IGF2BP2: variants seen among roughly 807,000 people sequenced by gnomAD.
IGF2BP2 encodes the protein insulin-like growth factor 2 mRNA-binding protein 2.
Under a neutral mutation model 75.8 loss-of-function variants are expected in IGF2BP2, and 17 were observed. The ratio of observed to expected loss-of-function variants is 0.22; its 90% CI spans 0.15 to 0.34. IGF2BP2 has a LOEUF of 0.34. Among genes scored for constraint, IGF2BP2 ranks in the 10% least tolerant of loss-of-function variants. The pLI is 1.00. For missense variants in IGF2BP2, 516 were observed against 772.4 expected, an observed-to-expected ratio of 0.67 and a Z score of 3.93; for synonymous variants, 288 against 295.6, an observed-to-expected ratio of 0.97 and a Z score of 0.26.
intron 7 of IGF2BP2, among the ~76,000 whole-genome samples, chr3:185,676,270 G>A (rs1719332067): frequency 6.6e-6 from 1 of 152,068 alleles, no homozygotes; most frequent in South Asian, 2.1e-4. Flanking sequence ...GGAAGCCACA[G>A]GTCTCTTTCC....
At chr3:185,658,438 C>T (rs1024482801) in intron 10 of IGF2BP2, 29 bp from the exon 11 acceptor site, 9 of 1,599,028 alleles carry the variant, frequency 5.6e-6, no homozygotes, top group South Asian at 4.4e-5. Flanking sequence ...AGTCAGTGGG[C>T]GGGTGCTCTC....
rs1030290701 is a variant in IGF2BP2, at chr3:185,645,943, A to G, written c.1708-320T>C. Among the ~76,000 whole-genome samples, 1 of 152,002 alleles carries G rather than the reference A, an allele frequency of 6.6e-6. No individual in the cohort carries two copies. The highest frequency in any genetic ancestry group is 6.5e-5 in the Admixed American group (1 of 15,282). ...GGGGCCGTGCAGAGTCAGATGCTAC[A>G]CTTGGGCTCCCGTGCTGCTCCCGCC... On this transcript the variant is annotated intron_variant, in intron 15 of 15. Coordinates refer to ENST00000382199, the MANE Select transcript of IGF2BP2 (RefSeq NM_006548.6). This position sits in a 1 kb window ranked among gnomAD's most constrained non-coding sequence, Gnocchi z 4.9.
intron 2 of IGF2BP2, among the ~76,000 whole-genome samples, chr3:185,749,910 G>A (rs1172429919): frequency 6.6e-6 from 1 of 152,112 alleles, no homozygotes; most frequent in Non-Finnish European, 1.5e-5. Context: ...AAAATTAAAA[G>A]TACACCAAAA....
At chr3:185,668,103 T>G (rs1420448251) in intron 10 of IGF2BP2, among the ~76,000 whole-genome samples, 1 of 152,214 alleles carries the variant, frequency 6.6e-6, no homozygotes, top group Non-Finnish European at 1.5e-5. Context: ...ATCTTCAAGA[T>G]ATGCCTGTAA....
rs1719193097 is a variant in IGF2BP2 at position 185,675,494 on chromosome 3, T to TA, written c.936-64dup. 27 of 1,573,366 alleles carry TA rather than the reference T, an allele frequency of 1.7e-5. 2 individuals are homozygous for TA. The South Asian group carries it at 2.8e-4, about 16-fold the overall frequency. ...CGGGAAAAATAAAATGCCCAAAAAA[T>TA]AAAAAAATCACAAACAAGTTTTGGC... On this transcript the variant is annotated intron_variant, in intron 8 of 15. Coordinates refer to ENST00000382199, the MANE Select transcript of IGF2BP2 (RefSeq NM_006548.6).
intron 10 of IGF2BP2, among the ~76,000 whole-genome samples, chr3:185,666,622 C>A (rs1239891390): frequency 6.6e-6 from 1 of 151,560 alleles, no homozygotes; most frequent in Non-Finnish European, 1.5e-5. Context: ...GAGCAAGACT[C>A]CAACTCAATA....
At chr3:185,650,625 C>T (rs1714435453) in intron 13 of IGF2BP2, among the ~76,000 whole-genome samples, 3 of 151,470 alleles carry the variant, frequency 2.0e-5, no homozygotes, top group Admixed American at 1.3e-4. Context: ...TGCAGTGAGC[C>T]GAGATCGCAC....
intron 2 of IGF2BP2, among the ~76,000 whole-genome samples, chr3:185,725,821 T>A (rs577757364): frequency 2.6e-5 from 4 of 152,180 alleles, no homozygotes; most frequent in African/African-American, 4.8e-5. Context: ...AAAATTTTTT[T>A]AAAAAATTAG....
chr3:185,774,367 G>A (rs1308424883), intron 2 of IGF2BP2, among the ~76,000 whole-genome samples: 1 of 152,080 alleles, frequency 6.6e-6, no homozygotes, highest in African/African-American at 2.4e-5. Context: ...AGGCCGAGGT[G>A]GGCGGATCAC....
intron 2 of IGF2BP2, among the ~76,000 whole-genome samples, chr3:185,780,578 G>T (rs1290804710): frequency 6.6e-6 from 1 of 152,118 alleles, no homozygotes; most frequent in Non-Finnish European, 1.5e-5. Context: ...ATTTAAAAAG[G>T]TCTTCAAAAG....
At chr3:185,688,627 G>A (rs1241977364) in intron 6 of IGF2BP2, among the ~76,000 whole-genome samples, 1 of 152,186 alleles carries the variant, frequency 6.6e-6, no homozygotes, top group Non-Finnish European at 1.5e-5. Context: ...ACAGGGATGA[G>A]TCTCTGTAAT....
chr3:185,649,574 A>T, intron 13 of IGF2BP2, 40 bp from the exon 14 acceptor site: 2 of 1,611,150 alleles, frequency 1.2e-6, no homozygotes, highest in Non-Finnish European at 1.7e-6. Context: ...TCAGTCAGCC[A>T]GCAGCCGGCC....
intron 12 of IGF2BP2, 94 bp from the exon 13 acceptor site, chr3:185,652,262 G>A: frequency 6.6e-6 from 7 of 1,053,216 alleles, no homozygotes; most frequent in Non-Finnish European, 9.7e-6. Context: ...CCAGCAGGAG[G>A]TTCCAGGTCT....
chr3:185,767,879 T>C (rs1330538867), intron 2 of IGF2BP2: 1 of 153,950 alleles, frequency 6.5e-6, no homozygotes, highest in Non-Finnish European at 1.5e-5. Flanking sequence ...CCACTGAAAG[T>C]AATGGCAAAA....
chr3:185,808,117 T>A lies in IGF2BP2; in HGVS notation c.239+15036A>T, dbSNP rs866155641. Among the ~76,000 whole-genome samples the A allele has an allele frequency of 5.9e-4, 75 of 128,060 alleles. 1 individual carries two copies. The highest frequency in any genetic ancestry group is 3.9e-3 in the Middle Eastern group (1 of 258). 84.0% of individuals were successfully genotyped at this position (128,060 alleles called of 152,430 possible). ...CAAGATGCCAAGACCTCGTTTCTTT[T>A]AAAAAAAAAAAAAAAAAAGAAAGAA... On this transcript the variant is annotated intron_variant, in intron 2 of 15. Coordinates refer to ENST00000382199, the MANE Select transcript of IGF2BP2 (RefSeq NM_006548.6).
chr3:185,707,098 G>A (rs1290288333), intron 2 of IGF2BP2, among the ~76,000 whole-genome samples: 1 of 151,532 alleles, frequency 6.6e-6, no homozygotes, highest in Non-Finnish European at 1.5e-5. Context: ...GGTGGCACAC[G>A]CCTGTAATCC....
Position 185,696,164 on chromosome 3 carries a change from G to A in IGF2BP2, c.340+448C>T, listed in dbSNP as rs16860181. On this transcript the variant is annotated intron_variant, in intron 4 of 15. Transcript: ENST00000382199. ...CTCAGCAGGTCTACAGTAAGCCCTAGGAGTCTGCAATTCACAAGCACTTCA... is the reference window on the plus strand; with the variant it reads ...CTCAGCAGGTCTACAGTAAGCCCTAAGAGTCTGCAATTCACAAGCACTTCA... Among the ~76,000 whole-genome samples, 216 of 152,254 alleles carry A rather than the reference G, an allele frequency of 1.4e-3. 5 individuals are homozygous for A. The East Asian group carries it at 0.035, about 25-fold the overall frequency.
chr3:185,795,714 C>A (rs549098200), intron 2 of IGF2BP2, among the ~76,000 whole-genome samples: 2 of 152,146 alleles, frequency 1.3e-5, no homozygotes, highest in African/African-American at 4.8e-5. Context: ...AACCCTGTAT[C>A]TACTAAAAAT....
chr3:185,650,200 G>A (rs1364857944), intron 13 of IGF2BP2, among the ~76,000 whole-genome samples: 1 of 150,946 alleles, frequency 6.6e-6, no homozygotes, highest in Non-Finnish European at 1.5e-5. Flanking sequence ...GATTACTGGT[G>A]TAAGCCACTA....
Sources: allele counts gnomAD v4.1 joint callset (sites outside exome capture counted in the v4.1 genomes callset), GRCh38; gene constraint gnomAD v4.1.1; non-coding constraint Gnocchi (gnomAD v3.1); transcripts MANE v1.5; gene names NCBI Gene and HGNC (gene_info 2026-07-23, HGNC 2026-07-21).